Variants in TMEM62 observed in about 807,000 individuals in gnomAD.
The protein encoded by TMEM62 is transmembrane protein 62.
Under a neutral mutation model 70.4 loss-of-function variants are expected in TMEM62, and 41 were observed. The ratio of observed to expected loss-of-function variants is 0.58; its 90% CI spans 0.45 to 0.76. TMEM62 has a LOEUF of 0.76. Among genes scored for constraint, TMEM62 ranks in the 30% least tolerant of loss-of-function variants. The pLI is 0.00. For missense variants in TMEM62, 688 were observed against 788.5 expected, an observed-to-expected ratio of 0.87 and a Z score of 1.53; for synonymous variants, 268 against 291.0, an observed-to-expected ratio of 0.92 and a Z score of 0.80.
At chr15:43,165,356 A>G (rs779576329) in intron 10 of TMEM62, among the ~76,000 whole-genome samples, 5 of 151,524 alleles carry the variant, frequency 3.3e-5, no homozygotes, top group Non-Finnish European at 5.9e-5. Flanking sequence ...ATTCTGATGC[A>G]TTTGTCAGTT....
At chr15:43,169,896 G>C in intron 11 of TMEM62, 2 of 451,840 alleles carry the variant, frequency 4.4e-6, no homozygotes, top group Non-Finnish European at 7.8e-6. Context: ...AAGACATAAA[G>C]CAATACATGG....
At chr15:43,161,320 C>CTAAGGGAATTATA (rs2038678049) in intron 10 of TMEM62, among the ~76,000 whole-genome samples, 2 of 152,034 alleles carry the variant, frequency 1.3e-5, no homozygotes, top group Admixed American at 6.6e-5. Context: ...TCCAGGATAA[C>CTAAGGGAATTATA]TAAGGGAATT....
At chr15:43,160,585 A>C in intron 9 of TMEM62, 96 bp from the exon 10 acceptor site, 1 of 641,096 alleles carries the variant, frequency 1.6e-6, no homozygotes, top group Non-Finnish European at 2.6e-6. Context: ...ACAACAACAA[A>C]GTGTAGTTAT....
At position 43,151,952 on chromosome 15, in the gene TMEM62, A is replaced by G; in HGVS notation, c.1022+7A>G. 1 of 1,585,238 alleles carries G rather than the reference A, an allele frequency of 6.3e-7. No individual in the cohort carries two copies. Among genetic ancestry groups the G allele is most frequent in the Non-Finnish European group, 8.6e-7 (1 of 1,167,394 alleles). On this transcript the variant is annotated splice_region_variant and intron_variant, in intron 8 of 13. Transcript: ENST00000260403. ...TTCACTCAACACACATCAGGTATGT[A>G]GCAATTTTTTAGAATTTACTTTCAG...
At chr15:43,162,890 G>A (rs1213888978) in intron 10 of TMEM62, among the ~76,000 whole-genome samples, 1 of 151,816 alleles carries the variant, frequency 6.6e-6, no homozygotes, top group Non-Finnish European at 1.5e-5. Flanking sequence ...GGATCAAAGG[G>A]TGGGCACACT....
chr15:43,146,319 G>T, intron 4 of TMEM62, 174 bp from the exon 5 acceptor site: 1 of 572,438 alleles, frequency 1.7e-6, no homozygotes, highest in Non-Finnish European at 2.9e-6. Flanking sequence ...GGGGACAATG[G>T]GAGAAAAACT....
chr15:43,184,214 C>T, intron 13 of TMEM62, 46 bp from the exon 14 acceptor site: 1 of 1,535,426 alleles, frequency 6.5e-7, no homozygotes, highest in Non-Finnish European at 8.9e-7. Context: ...TAAGACCAAA[C>T]TCTTCCAAGG....
chr15:43,137,588 C>T (rs2035403899), intron 3 of TMEM62, among the ~76,000 whole-genome samples: 1 of 152,262 alleles, frequency 6.6e-6, no homozygotes, highest in Admixed American at 6.5e-5. Flanking sequence ...CCAGTTGCCC[C>T]TGCTGGAGCC....
At chr15:43,182,878 A>T (rs565070284) in intron 13 of TMEM62, among the ~76,000 whole-genome samples, 1 of 152,324 alleles carries the variant, frequency 6.6e-6, no homozygotes, top group African/African-American at 2.4e-5. Context: ...TCATATTCTA[A>T]TAAATAGTAC....
At chr15:43,155,230 A>G (rs571139064) in intron 9 of TMEM62, among the ~76,000 whole-genome samples, 53 of 152,258 alleles carry the variant, frequency 3.5e-4, no homozygotes, top group African/African-American at 1.3e-3. Context: ...ACCCTGTCTC[A>G]AAATAAACAA....
At chr15:43,184,226 C>T in intron 13 of TMEM62, 34 bp from the exon 14 acceptor site, 1 of 1,572,284 alleles carries the variant, frequency 6.4e-7, no homozygotes. Context: ...CTTCCAAGGA[C>T]TTGGGAGTAA....
Position 43,184,691 on chromosome 15 carries a change from C to T in TMEM62, c.*105C>T. ...TGGAGGGCCAGGATTGGTGGGTGAG[C>T]TTTAGGGAGCAGCTGCTCGTTTGGA... On this transcript the variant is annotated 3_prime_UTR_variant, in exon 14 of 14. Transcript: ENST00000260403. 1 of 999,968 alleles carries T rather than the reference C, an allele frequency of 1.0e-6. No individual in the cohort carries two copies. Among genetic ancestry groups the T allele is most frequent in the East Asian group, 2.5e-5 (1 of 40,558 alleles). The allele number at this position is 999,968 out of a possible 1,614,324, so 61.9% of individuals were successfully genotyped here.
rs1316171169 is a variant in TMEM62, at chr15:43,138,723, A to G, written c.476+104A>G. 8.2e-6 allele frequency: 8 copies of G among 976,312 alleles called. 1 individual carries two copies. The Admixed American group carries it at 1.8e-4, about 22-fold the overall frequency. The allele number at this position is 976,312 out of a possible 1,614,324, so 60.5% of individuals were successfully genotyped here. On this transcript the variant is annotated intron_variant, in intron 4 of 13. Transcript: ENST00000260403. ...GAAAACTTTAAAAAAACATTTTAAG[A>G]GGCAGGGGTCTCGCTATTTTGCCCA...
At chr15:43,168,448 G>A (rs1364877690) in intron 10 of TMEM62, among the ~76,000 whole-genome samples, 1 of 152,048 alleles carries the variant, frequency 6.6e-6, no homozygotes, top group African/African-American at 2.4e-5. Context: ...ATCTTGCCAG[G>A]ACATGGTCTT....
chr15:43,154,880 C>CTT, intron 9 of TMEM62, 49 bp downstream of exon 9: 1 of 1,456,186 alleles, frequency 6.9e-7, no homozygotes, highest in Non-Finnish European at 9.2e-7. Context: ...GCTGTAGCCA[C>CTT]AATGAATTCT....
intron 10 of TMEM62, among the ~76,000 whole-genome samples, chr15:43,168,628 G>A (rs2039858485): frequency 6.6e-6 from 1 of 152,020 alleles, no homozygotes; most frequent in Non-Finnish European, 1.5e-5. Flanking sequence ...TTTCTCTCTT[G>A]TTTCCACAAG....
intron 10 of TMEM62, among the ~76,000 whole-genome samples, chr15:43,167,118 A>C (rs2039534848): frequency 6.7e-6 from 1 of 149,532 alleles, no homozygotes; most frequent in African/African-American, 2.5e-5. Flanking sequence ...GCGGCTGGGC[A>C]GAGGCGCCCC....
At chr15:43,147,609 G>A (rs558873584) in intron 5 of TMEM62, among the ~76,000 whole-genome samples, 21 of 152,296 alleles carry the variant, frequency 1.4e-4, no homozygotes, top group African/African-American at 4.1e-4. Context: ...AGAGTTATAC[G>A]AGAGTTCGAA....
At chr15:43,165,484 G>A (rs868553494) in intron 10 of TMEM62, among the ~76,000 whole-genome samples, 6 of 151,808 alleles carry the variant, frequency 4.0e-5, no homozygotes, top group Admixed American at 2.0e-4. Context: ...CTGTAATCCC[G>A]GCACTTTGGG....
Sources: gnomAD v4.1 joint callset for allele counts (sites outside exome capture counted in the v4.1 genomes callset) on GRCh38, gnomAD v4.1.1 for gene constraint, MANE v1.5 for transcripts, NCBI Gene and HGNC (gene_info 2026-07-23, HGNC 2026-07-21) for gene names.